The following PTPRD variants were observed in gnomAD, a reference collection of about 807,000 sequenced individuals.
PTPRD encodes the protein receptor-type tyrosine-protein phosphatase delta.
A neutral mutation model predicts 214.5 loss-of-function variants in PTPRD; 34 were observed. The observed-to-expected ratio is 0.16, with a 90% CI of 0.12 to 0.21. The LOEUF (loss-of-function observed/expected upper bound fraction) is 0.21, where lower values mean the gene tolerates loss of function less well. PTPRD is among the 10% of genes least tolerant of loss of function. The probability of loss-of-function intolerance (pLI) is 1.00; values close to 1 mark genes in which losing one functional copy is unlikely to be tolerated. For missense variants in PTPRD, 2,545 were observed against 2,398.7 expected, an observed-to-expected ratio of 1.06 and a Z score of -1.27; for synonymous variants, 1,128 against 845.7, an observed-to-expected ratio of 1.33 and a Z score of -5.79.
At chr9:8,562,851 T>C (rs1489757344) in intron 14 of PTPRD, among the ~76,000 whole-genome samples, 2 of 151,830 alleles carry the variant, frequency 1.3e-5, no homozygotes, top group Admixed American at 1.3e-4. Context: ...GATTTTCTTT[T>C]TTTTTTTTTT....
chr9:8,975,373 T>C (rs191112247), intron 11 of PTPRD, among the ~76,000 whole-genome samples: 1 of 152,178 alleles, frequency 6.6e-6, no homozygotes, highest in African/African-American at 2.4e-5. Flanking sequence ...CTAGGAAGAT[T>C]AGGTAACTTG....
At chr9:9,638,407 C>G (rs1231129898) in intron 7 of PTPRD, among the ~76,000 whole-genome samples, 1 of 152,214 alleles carries the variant, frequency 6.6e-6, no homozygotes, top group African/African-American at 2.4e-5. Context: ...AGTTCTTTGC[C>G]ACTTTATAAC....
intron 11 of PTPRD, among the ~76,000 whole-genome samples, chr9:8,888,558 GC>G (rs1398318310): frequency 1.3e-5 from 2 of 152,168 alleles, no homozygotes; most frequent in Non-Finnish European, 2.9e-5. Flanking sequence ...CATAAGAGGG[GC>G]TTTTATGAAA....
At chr9:10,004,034 T>C (rs1245866288) in intron 4 of PTPRD, among the ~76,000 whole-genome samples, 1 of 151,908 alleles carries the variant, frequency 6.6e-6, no homozygotes, top group African/African-American at 2.4e-5. Context: ...CCTGGTACAC[T>C]AACAGTCTTC....
intron 5 of PTPRD, among the ~76,000 whole-genome samples, chr9:9,801,946 T>C (rs1205741780): frequency 6.6e-6 from 1 of 152,096 alleles, no homozygotes; most frequent in Non-Finnish European, 1.5e-5. Flanking sequence ...GTTCTGTTTA[T>C]ACAAGAATGG....
chr9:8,422,978 CAT>C (rs2094455178), intron 35 of PTPRD, among the ~76,000 whole-genome samples: 1 of 152,274 alleles, frequency 6.6e-6, no homozygotes, highest in Middle Eastern at 3.4e-3. Flanking sequence ...ACTGCAGCCA[CAT>C]AGGCACTCCT....
At chr9:9,918,682 G>A (rs1222657943) in intron 5 of PTPRD, among the ~76,000 whole-genome samples, 1 of 151,954 alleles carries the variant, frequency 6.6e-6, no homozygotes, top group Non-Finnish European at 1.5e-5. Flanking sequence ...CTGTAAAACA[G>A]CATAACACTG....
chr9:9,186,713 G>T (rs1350024831), intron 9 of PTPRD, among the ~76,000 whole-genome samples: 3 of 151,634 alleles, frequency 2.0e-5, no homozygotes, highest in Non-Finnish European at 2.9e-5. Flanking sequence ...ATGTGTGTAT[G>T]CATGGGAAGT....
At chr9:8,359,420 G>T (rs1055745677) in intron 39 of PTPRD, among the ~76,000 whole-genome samples, 1 of 151,814 alleles carries the variant, frequency 6.6e-6, no homozygotes, top group Non-Finnish European at 1.5e-5. Flanking sequence ...CACCTCCCAG[G>T]TTCAAGCAAT....
chr9:10,051,997 T>G (rs1054491759), intron 3 of PTPRD, among the ~76,000 whole-genome samples: 2 of 152,104 alleles, frequency 1.3e-5, no homozygotes, highest in Non-Finnish European at 2.9e-5. Flanking sequence ...CAGGCTGGAG[T>G]ACAGTGTTGT....
At position 9,601,523 on chromosome 9, in the gene PTPRD, T is replaced by A. The variant is rs911593007; in HGVS notation, c.-286-26742A>T. Among the ~76,000 whole-genome samples, 9 of 152,116 alleles carry A rather than the reference T, an allele frequency of 5.9e-5. 1 individual carries two copies. ...GCTGCATCCTAAAATGATAAAACCA[T>A]GAACAATCTATTATTTTTGGAAGAA... On this transcript the variant is annotated intron_variant, in intron 7 of 45. Coordinates refer to ENST00000381196, the MANE Select transcript of PTPRD (RefSeq NM_002839.4).
intron 8 of PTPRD, among the ~76,000 whole-genome samples, chr9:9,441,683 A>AATT (rs2087899364): frequency 6.6e-6 from 1 of 152,188 alleles, no homozygotes. Flanking sequence ...ACTTTAGAAT[A>AATT]ATTTAGAGTT....
intron 8 of PTPRD, among the ~76,000 whole-genome samples, chr9:9,460,599 C>T (rs566682227): frequency 4.5e-4 from 68 of 151,768 alleles, no homozygotes; most frequent in African/African-American, 9.7e-4. Context: ...ATCATCGAAG[C>T]GATGCAAATT....
chr9:10,196,102 A>T (rs998247434), intron 3 of PTPRD, among the ~76,000 whole-genome samples: 5 of 152,224 alleles, frequency 3.3e-5, no homozygotes, highest in African/African-American at 1.2e-4. Flanking sequence ...CACTTATAGA[A>T]ATATGAGACT....
At chr9:10,105,881 T>C (rs1211732453) in intron 3 of PTPRD, among the ~76,000 whole-genome samples, 2 of 151,614 alleles carry the variant, frequency 1.3e-5, no homozygotes, top group East Asian at 1.9e-4. Flanking sequence ...ACATTGAATA[T>C]GCTTTTTACT....
intron 2 of PTPRD, chr9:10,532,108 T>A (rs2056521013): frequency 1.3e-5 from 2 of 152,308 alleles, no homozygotes; most frequent in South Asian, 4.1e-4. Flanking sequence ...AGCTGATATT[T>A]GTTGCAGAAG....
chr9:9,341,273 T>C (rs903521254), intron 9 of PTPRD, among the ~76,000 whole-genome samples: 1 of 152,118 alleles, frequency 6.6e-6, no homozygotes, highest in African/African-American at 2.4e-5. Flanking sequence ...AGGCTCAGCC[T>C]GACTCAGGGC....
intron 3 of PTPRD, among the ~76,000 whole-genome samples, chr9:10,034,971 G>C (rs1220680391): frequency 6.6e-6 from 1 of 152,144 alleles, no homozygotes; most frequent in Admixed American, 6.6e-5. Flanking sequence ...AGGATTGCTA[G>C]TAATAGGATT....
chr9:9,068,820 C>T (rs2099739430), intron 10 of PTPRD, among the ~76,000 whole-genome samples: 1 of 152,044 alleles, frequency 6.6e-6, no homozygotes, highest in Non-Finnish European at 1.5e-5. Flanking sequence ...CTATGTTGGC[C>T]AGGATGGTCT....
Sources: allele counts gnomAD v4.1 joint callset (sites outside exome capture counted in the v4.1 genomes callset), GRCh38; gene constraint gnomAD v4.1.1; transcripts MANE v1.5; gene names NCBI Gene and HGNC (gene_info 2026-07-23, HGNC 2026-07-21).